The following ST6GALNAC3 variants were observed in gnomAD, a reference collection of about 807,000 sequenced individuals.
ST6GALNAC3 encodes ST6 N-acetylgalactosaminide alpha-2,6-sialyltransferase 3, also known as alpha-N-acetylgalactosaminide alpha-2,6-sialyltransferase 3.
In ST6GALNAC3, 25 loss-of-function variants were observed where a neutral mutation model predicts 32.7. That is an observed-to-expected ratio of 0.76 (90% CI 0.56 to 1.07). The LOEUF (loss-of-function observed/expected upper bound fraction) is 1.07, where lower values mean the gene tolerates loss of function less well. ST6GALNAC3 is among the 50% of genes least tolerant of loss of function. The pLI is 0.00. For missense variants in ST6GALNAC3, 355 were observed against 382.4 expected (o/e 0.93, Z 0.60); for synonymous variants, 129 against 133.1 (o/e 0.97, Z 0.21).
At position 76,367,113 on chromosome 1, in the gene ST6GALNAC3, A is replaced by G. The variant is rs1253727333; in HGVS notation, c.214-44895A>G. ...CCAGGCTAATCCCTTGGTGTGAAGA[A>G]AATAGGAGTTAATACCAAAAACATA... On this transcript the variant is annotated intron_variant, in intron 2 of 4. Coordinates refer to ENST00000328299, the MANE Select transcript of ST6GALNAC3 (RefSeq NM_152996.4). Among the ~76,000 whole-genome samples the G allele has an allele frequency of 2.6e-5, 4 of 152,222 alleles. No homozygotes were observed. The East Asian group carries it at 7.7e-4, about 29-fold the overall frequency.
chr1:76,550,247 T>C (rs221521), intron 3 of ST6GALNAC3, among the ~76,000 whole-genome samples: 122,849 of 152,080 alleles, frequency 0.81, 49,654 homozygotes, highest in Middle Eastern at 0.87. Context: ...CCTTCTTCAT[T>C]TCCAAAATTC....
At chr1:76,240,091 C>A (rs1189615445) in intron 1 of ST6GALNAC3, among the ~76,000 whole-genome samples, 2 of 152,126 alleles carry the variant, frequency 1.3e-5, no homozygotes, top group African/African-American at 2.4e-5. Context: ...AGCCTCATGA[C>A]CTTGAAAAAG....
At chr1:76,218,925 A>C (rs1195144992) in intron 1 of ST6GALNAC3, among the ~76,000 whole-genome samples, 1 of 152,210 alleles carries the variant, frequency 6.6e-6, no homozygotes, top group Non-Finnish European at 1.5e-5. Flanking sequence ...TCAGGCACTA[A>C]GGGATTTGCA....
intron 1 of ST6GALNAC3, among the ~76,000 whole-genome samples, chr1:76,306,750 A>C (rs759409960): frequency 1.3e-5 from 2 of 151,810 alleles, no homozygotes; most frequent in African/African-American, 2.4e-5. Context: ...ATCAGATGAC[A>C]TGATAAGAGG....
At chr1:76,213,189 C>T (rs1167515440) in intron 1 of ST6GALNAC3, among the ~76,000 whole-genome samples, 1 of 152,100 alleles carries the variant, frequency 6.6e-6, no homozygotes, top group East Asian at 1.9e-4. Flanking sequence ...TGGATTCTGG[C>T]CAATGGGATC....
At chr1:76,624,646 T>G (rs979743773) in intron 3 of ST6GALNAC3, among the ~76,000 whole-genome samples, 1 of 151,876 alleles carries the variant, frequency 6.6e-6, no homozygotes, top group Admixed American at 6.6e-5. Flanking sequence ...ATTATGATTT[T>G]TTTTTCTCAC....
chr1:76,385,186 A>T (rs1362894063), intron 2 of ST6GALNAC3, among the ~76,000 whole-genome samples: 1 of 152,146 alleles, frequency 6.6e-6, no homozygotes, highest in African/African-American at 2.4e-5. Context: ...GTAAAGAAAG[A>T]TGGGCAAACA....
At chr1:76,530,274 A>AT (rs1663173361) in intron 3 of ST6GALNAC3, among the ~76,000 whole-genome samples, 3 of 152,196 alleles carry the variant, frequency 2.0e-5, no homozygotes, top group African/African-American at 7.2e-5. Context: ...ACAAAACTTC[A>AT]TACCTGATTA....
At chr1:76,494,446 TATATATATATATATATATATATAC>T (rs1276331516) in intron 3 of ST6GALNAC3, among the ~76,000 whole-genome samples, 1 of 82,790 alleles carries the variant, frequency 1.2e-5, no homozygotes, top group African/African-American at 3.8e-5. Context: ...TATATATATA[TATATATATATATATATATATATAC>T]ACACACACAC....
rs138763567 is a variant in ST6GALNAC3, at chr1:76,352,001, C to A, written c.213+38002C>A. 3.2e-3 allele frequency among the ~76,000 whole-genome samples: 482 copies of A among 152,090 alleles called. 3 individuals are homozygous for A. Among genetic ancestry groups the A allele is most frequent in the African/African-American group, 0.01 (429 of 41,490 alleles). ...GTGGCCATCCGAAGGGCCATAGTACCTAAGTAGATAACGAGTTTAACTGCA... is the reference window on the plus strand; with the variant it reads ...GTGGCCATCCGAAGGGCCATAGTACATAAGTAGATAACGAGTTTAACTGCA... On this transcript the variant is annotated intron_variant, in intron 2 of 4. Coordinates refer to ENST00000328299, the MANE Select transcript of ST6GALNAC3 (RefSeq NM_152996.4).
At chr1:76,362,207 A>G (rs527422167) in intron 2 of ST6GALNAC3, among the ~76,000 whole-genome samples, 4 of 152,208 alleles carry the variant, frequency 2.6e-5, no homozygotes, top group African/African-American at 9.6e-5. Context: ...AGTGCTACAC[A>G]TGTTTAAACA....
Position 76,285,385 on chromosome 1 carries a change from G to GGTGTGTGTGTGTGTGTGTGT in ST6GALNAC3, c.19-28413_19-28394dup, listed in dbSNP as rs140357874. Among the ~76,000 whole-genome samples the GGTGTGTGTGTGTGTGTGTGT allele has an allele frequency of 3.7e-3, 553 of 148,462 alleles. 3 individuals carry two copies. The highest frequency in any genetic ancestry group is 0.014 in the East Asian group (69 of 4,972). ...AGGCCAGGCCCCTGGTCGGGAGGAT[G>GGTGTGTGTGTGTGTGTGTGT]GTGTGTGTGTGTGTGTGTGTGTGTG... On this transcript the variant is annotated intron_variant, in intron 1 of 4. Transcript: ENST00000328299.
At chr1:76,634,909 C>T (rs1320732453), downstream of ST6GALNAC3, among the ~76,000 whole-genome samples, 2 of 42,340 alleles carry the variant, frequency 4.7e-5, 1 homozygote, top group Non-Finnish European at 9.0e-5. Context: ...CCGTTTTAGC[C>T]GGGATGGTCT....
At chr1:76,219,660 G>A (rs1655660437) in intron 1 of ST6GALNAC3, among the ~76,000 whole-genome samples, 1 of 152,192 alleles carries the variant, frequency 6.6e-6, no homozygotes, top group Non-Finnish European at 1.5e-5. Context: ...CTAAAAGTGT[G>A]TTAGTAAGAG....
At chr1:76,545,370 C>T (rs1037257647) in intron 3 of ST6GALNAC3, among the ~76,000 whole-genome samples, 5 of 152,076 alleles carry the variant, frequency 3.3e-5, no homozygotes, top group East Asian at 3.9e-4. Flanking sequence ...GCATAAATAT[C>T]GCCTCTTCCT....
intron 1 of ST6GALNAC3, among the ~76,000 whole-genome samples, chr1:76,274,912 A>G (rs1002290693): frequency 3.3e-5 from 5 of 152,222 alleles, no homozygotes; most frequent in African/African-American, 1.2e-4. Context: ...GCAGAAGACC[A>G]TTTCTTCACT....
intron 3 of ST6GALNAC3, among the ~76,000 whole-genome samples, chr1:76,609,788 C>T (rs1282001800): frequency 6.6e-6 from 1 of 152,152 alleles, no homozygotes; most frequent in East Asian, 1.9e-4. Flanking sequence ...TGTCCCCCCT[C>T]CTTCATATAG....
chr1:76,327,430 A>G (rs114495710), intron 2 of ST6GALNAC3, among the ~76,000 whole-genome samples: 74 of 152,236 alleles, frequency 4.9e-4, no homozygotes, highest in African/African-American at 1.7e-3. Flanking sequence ...TTGACTCCAA[A>G]GGCGATCTGC....
chr1:76,128,257 C>A (rs1191231900), intron 1 of ST6GALNAC3, among the ~76,000 whole-genome samples: 1 of 152,206 alleles, frequency 6.6e-6, no homozygotes, highest in Admixed American at 6.5e-5. Flanking sequence ...ACGTGCCAGT[C>A]TCCCATGGTT....
Sources: allele counts gnomAD v4.1 joint callset (sites outside exome capture counted in the v4.1 genomes callset), GRCh38; gene constraint gnomAD v4.1.1; transcripts MANE v1.5; gene names NCBI Gene and HGNC (gene_info 2026-07-23, HGNC 2026-07-21).